GRIP1: variants seen among roughly 807,000 people sequenced by gnomAD.
GRIP1 encodes glutamate receptor interacting protein 1.
Under a neutral mutation model 129.9 loss-of-function variants are expected in GRIP1, and 45 were observed. That is an observed-to-expected ratio of 0.35 (90% confidence interval 0.27 to 0.44). The LOEUF (loss-of-function observed/expected upper bound fraction) is 0.44. Among genes scored for constraint, GRIP1 ranks in the 20% least tolerant of loss-of-function variants. GRIP1 has a pLI of 1.00. For synonymous variants in GRIP1, 530 were observed against 520.8 expected (o/e 1.02, Z -0.24); for missense variants, 1,196 against 1,396.8 (o/e 0.86, Z 2.29).
intron 1 of GRIP1, among the ~76,000 whole-genome samples, chr12:66,873,054 G>A (rs1331953806): frequency 1.3e-5 from 2 of 152,070 alleles, no homozygotes; most frequent in African/African-American, 2.4e-5. Flanking sequence ...ACTCAATAGA[G>A]TACCTACAGG....
chr12:66,672,041 C>T (rs2034107453), intron 1 of GRIP1, among the ~76,000 whole-genome samples: 1 of 152,054 alleles, frequency 6.6e-6, no homozygotes, highest in South Asian at 2.1e-4. Flanking sequence ...CACAAATGGG[C>T]AGAATATTAG....
At chr12:66,819,118 T>C (rs1285234704) in intron 1 of GRIP1, among the ~76,000 whole-genome samples, 6 of 152,224 alleles carry the variant, frequency 3.9e-5, no homozygotes, top group African/African-American at 1.4e-4. Context: ...AAGAAGCCCT[T>C]TGCCTGGTGA....
At chr12:66,397,617 G>A (rs148388914) in intron 16 of GRIP1, among the ~76,000 whole-genome samples, 32 of 152,152 alleles carry the variant, frequency 2.1e-4, no homozygotes, top group African/African-American at 7.7e-4. Context: ...TGAACATTGA[G>A]TGAATATTTT....
intron 10 of GRIP1, among the ~76,000 whole-genome samples, chr12:66,455,802 G>A (rs2138237228): frequency 6.6e-6 from 1 of 152,322 alleles, no homozygotes; most frequent in Middle Eastern, 3.4e-3. Flanking sequence ...GACTCTGTGA[G>A]AATTGCTTTA....
At chr12:66,658,286 G>A (rs4597137) in intron 1 of GRIP1, among the ~76,000 whole-genome samples, 2 of 152,166 alleles carry the variant, frequency 1.3e-5, no homozygotes, top group East Asian at 3.9e-4. Flanking sequence ...GCTAACCGTA[G>A]GTTTGGGATG....
At chr12:66,950,513 T>A (rs1228464126) in intron 1 of GRIP1, among the ~76,000 whole-genome samples, 11 of 152,122 alleles carry the variant, frequency 7.2e-5, no homozygotes, top group Non-Finnish European at 1.3e-4. Context: ...CTAAAATAAA[T>A]TTTTCACAGC....
At chr12:67,056,018 G>C (rs1378482770) in intron 1 of GRIP1, among the ~76,000 whole-genome samples, 1 of 152,146 alleles carries the variant, frequency 6.6e-6, no homozygotes, top group Non-Finnish European at 1.5e-5. Context: ...TGAGGGGGAA[G>C]TTAATGGAAG....
At chr12:66,702,113 G>C (rs1187056440) in intron 1 of GRIP1, among the ~76,000 whole-genome samples, 1 of 152,098 alleles carries the variant, frequency 6.6e-6, no homozygotes, top group African/African-American at 2.4e-5. Context: ...ATTACCCGAA[G>C]AACAGTATTA....
intron 1 of GRIP1, among the ~76,000 whole-genome samples, chr12:66,856,097 A>G (rs2039998114): frequency 6.6e-6 from 1 of 152,114 alleles, no homozygotes. Flanking sequence ...TCTTTGACAA[A>G]CCTGACAAAA....
At chr12:66,845,656 C>G (rs573790664) in intron 1 of GRIP1, among the ~76,000 whole-genome samples, 3 of 152,076 alleles carry the variant, frequency 2.0e-5, no homozygotes, top group Non-Finnish European at 4.4e-5. Context: ...TGATAGCTAA[C>G]TGAAATAAAA....
chr12:66,573,294 G>A (rs1049341735), intron 2 of GRIP1, among the ~76,000 whole-genome samples: 4 of 152,026 alleles, frequency 2.6e-5, no homozygotes, highest in Non-Finnish European at 4.4e-5. Flanking sequence ...AGACTCAGTC[G>A]AGACTGCTAT....
intron 1 of GRIP1, among the ~76,000 whole-genome samples, chr12:66,710,159 C>T (rs1157774758): frequency 1.3e-5 from 2 of 152,006 alleles, no homozygotes; most frequent in Non-Finnish European, 2.9e-5. Flanking sequence ...GTAACCCACA[C>T]ATAAGAAGTG....
At chr12:66,790,380 T>C (rs12304728) in intron 1 of GRIP1, among the ~76,000 whole-genome samples, 9,536 of 152,216 alleles carry the variant, frequency 0.063, 1,012 homozygotes, top group African/African-American at 0.22. Context: ...TCGTAAACTG[T>C]CAAGTATCTT....
At chr12:66,452,841 G>GA (rs531811935) in intron 11 of GRIP1, among the ~76,000 whole-genome samples, 1 of 151,750 alleles carries the variant, frequency 6.6e-6, no homozygotes, top group Non-Finnish European at 1.5e-5. Flanking sequence ...TAAAAGAAAA[G>GA]AAAAAAATCC....
Position 66,678,992 on chromosome 12 carries a change from A to G in GRIP1, c.-88T>C, listed in dbSNP as rs185102021. The G allele has an allele frequency of 4.4e-5, 70 of 1,603,254 alleles. No homozygotes were observed. In the East Asian group the frequency reaches 1.3e-3, roughly 29 times the overall value. ...GCAGCAGCATATGAATTCCTTGCGC[A>G]CATACCAGGAGAAAGGTAGTCCCAG... On this transcript the variant is annotated 5_prime_UTR_variant, in exon 1 of 25. Transcript: ENST00000359742.
intron 2 of GRIP1, 89 bp from the exon 3 acceptor site, chr12:66,542,039 T>C: frequency 8.2e-7 from 1 of 1,223,702 alleles, no homozygotes; most frequent in Non-Finnish European, 1.2e-6. Flanking sequence ...CCACTTTTTC[T>C]TTTATGAGAA....
At chr12:66,445,255 C>T (rs1565744774) in intron 12 of GRIP1, 67 bp downstream of exon 12, 10 of 1,189,712 alleles carry the variant, frequency 8.4e-6, no homozygotes, top group Non-Finnish European at 1.3e-5. Flanking sequence ...AATTTACTAG[C>T]CATTCAAAGA....
At chr12:66,921,086 G>A (rs540474133) in intron 1 of GRIP1, among the ~76,000 whole-genome samples, 36 of 152,292 alleles carry the variant, frequency 2.4e-4, no homozygotes, top group African/African-American at 8.7e-4. Context: ...CAGGTGATAC[G>A]TGAACCATTG....
intron 1 of GRIP1, among the ~76,000 whole-genome samples, chr12:66,597,518 A>T (rs1316255526): frequency 1.3e-5 from 2 of 152,194 alleles, no homozygotes; most frequent in East Asian, 3.9e-4. Context: ...CAGAGGAGCT[A>T]GGTTGAGAAT....
Sources: allele counts gnomAD v4.1 joint callset (sites outside exome capture counted in the v4.1 genomes callset), GRCh38; gene constraint gnomAD v4.1.1; transcripts MANE v1.5; gene names NCBI Gene and HGNC (gene_info 2026-07-23, HGNC 2026-07-21).